Variants in STIM1 observed in about 807,000 individuals in gnomAD.
STIM1 encodes stromal interaction molecule 1.
In STIM1, 25 loss-of-function variants were observed where a neutral mutation model predicts 74.7. That is an observed-to-expected ratio of 0.33 (90% CI 0.24 to 0.47). The LOEUF is 0.47. STIM1 is among the 20% of genes least tolerant of loss of function. The pLI, the probability that STIM1 is intolerant of heterozygous loss-of-function variation, is 1.00. For missense variants in STIM1, 728 were observed against 920.8 expected, an observed-to-expected ratio of 0.79 and a Z score of 2.71; for synonymous variants, 328 against 348.8, an observed-to-expected ratio of 0.94 and a Z score of 0.66.
intron 2 of STIM1, among the ~76,000 whole-genome samples, chr11:3,985,830 A>C (rs1416726895): frequency 6.6e-6 from 1 of 152,200 alleles, no homozygotes; most frequent in Non-Finnish European, 1.5e-5. Context: ...TATTTTTTCA[A>C]GTCCTTCTGT....
chr11:4,069,675 CCACTA>C (rs1235936432), intron 5 of STIM1, among the ~76,000 whole-genome samples: 2 of 152,180 alleles, frequency 1.3e-5, no homozygotes, highest in Non-Finnish European at 2.9e-5. Flanking sequence ...ATGACAGAAG[CCACTA>C]CATCTTGGCA....
intron 1 of STIM1, 121 bp from the exon 2 acceptor site, chr11:3,967,431 G>A (rs933264525): frequency 5.5e-6 from 8 of 1,456,272 alleles, no homozygotes; most frequent in Non-Finnish European, 6.7e-6. Context: ...CACTGTACAA[G>A]TAGCCAGTTA....
chr11:3,855,958 G>GT lies in STIM1; in HGVS notation c.-312dup. The GT allele has an allele frequency of 2.3e-6, 1 of 428,448 alleles. No homozygotes were observed. 26.5% of individuals were successfully genotyped at this position (428,448 alleles called of 1,614,324 possible). A position where few individuals can be genotyped will look rare whatever the true frequency, so the allele number is the denominator to read the frequency against. On this transcript the variant is annotated 5_prime_UTR_variant, in exon 1 of 13. Transcript: ENST00000526596. Reference sequence around the variant, plus strand: ...TCCGGCCGCCCCCTTCCGCAGGGGTGTAGTAATCTGCGGAGCTGACAGCAG... The same window carrying GT: ...TCCGGCCGCCCCCTTCCGCAGGGGTGTTAGTAATCTGCGGAGCTGACAGCAG...
At chr11:4,049,584 C>G (rs1411835428) in intron 3 of STIM1, 1 of 152,178 alleles carries the variant, frequency 6.6e-6, no homozygotes, top group Non-Finnish European at 1.5e-5. Context: ...CTGCCTCAGT[C>G]TCCCAAAGTG....
intron 12 of STIM1, chr11:4,086,760 T>G: frequency 6.5e-7 from 1 of 1,537,214 alleles, no homozygotes; most frequent in Non-Finnish European, 8.7e-7. Context: ...ACCCTGTTTA[T>G]TACCACCACA....
At chr11:3,960,522 C>T (rs931275505) in intron 1 of STIM1, among the ~76,000 whole-genome samples, 10 of 152,150 alleles carry the variant, frequency 6.6e-5, no homozygotes, top group Non-Finnish European at 1.5e-4. Flanking sequence ...CATCATGTTA[C>T]AAAGTCATGC....
intron 1 of STIM1, among the ~76,000 whole-genome samples, chr11:3,953,542 G>T (rs776405779): frequency 6.6e-6 from 1 of 152,188 alleles, no homozygotes; most frequent in South Asian, 2.1e-4. Context: ...TAGGAAGTTA[G>T]TGTGGTTTCT....
At chr11:3,988,197 C>G (rs537949271) in intron 2 of STIM1, among the ~76,000 whole-genome samples, 2 of 152,082 alleles carry the variant, frequency 1.3e-5, no homozygotes, top group Non-Finnish European at 2.9e-5. Flanking sequence ...AGCAGTGAAT[C>G]GAAGTTGCCG....
At chr11:3,979,349 C>G (rs1342150849) in intron 2 of STIM1, among the ~76,000 whole-genome samples, 1 of 152,176 alleles carries the variant, frequency 6.6e-6, no homozygotes, top group Non-Finnish European at 1.5e-5. Context: ...TTCTGTGTCT[C>G]CTGCATGATT....
intron 3 of STIM1, among the ~76,000 whole-genome samples, chr11:4,052,807 C>T (rs2094254331): frequency 6.6e-6 from 1 of 152,154 alleles, no homozygotes; most frequent in Non-Finnish European, 1.5e-5. Context: ...AGGCAACCTA[C>T]AGAATGGGAG....
rs578072867 is a variant in STIM1, at chr11:3,957,959, G to A, written c.140-9593G>A. ...TGACTCACTGCAACCTCCACCTCCC[G>A]GGTTCAAGCGATTCTCCTGCCTCAG... is the stretch of plus-strand genomic sequence containing the variant. On this transcript the variant is annotated intron_variant, in intron 1 of 12. Transcript: ENST00000526596. 3.7e-4 allele frequency among the ~76,000 whole-genome samples: 57 copies of A among 152,122 alleles called. No homozygotes were observed. The South Asian group carries it at 0.012, about 31-fold the overall frequency.
intron 1 of STIM1, among the ~76,000 whole-genome samples, chr11:3,862,613 AT>A: frequency 6.6e-6 from 1 of 152,082 alleles, no homozygotes; most frequent in Admixed American, 6.5e-5. Context: ...CACCCGGCTA[AT>A]TTTTTGTATT....
At chr11:4,015,935 C>G (rs180940052) in intron 2 of STIM1, among the ~76,000 whole-genome samples, 86 of 152,222 alleles carry the variant, frequency 5.6e-4, no homozygotes, top group African/African-American at 1.9e-3. Flanking sequence ...TTTTAGTTAG[C>G]CATTTGTCTA....
chr11:4,060,376 G>A (rs1332775965), intron 5 of STIM1, among the ~76,000 whole-genome samples: 1 of 152,218 alleles, frequency 6.6e-6, no homozygotes, highest in African/African-American at 2.4e-5. Context: ...GAAGCAGCTG[G>A]CAGGCAAGGT....
At chr11:3,929,241 T>C (rs2092828543) in intron 1 of STIM1, among the ~76,000 whole-genome samples, 1 of 152,242 alleles carries the variant, frequency 6.6e-6, no homozygotes, top group Non-Finnish European at 1.5e-5. Context: ...CCTTTTTTAC[T>C]TCCTTTTTAT....
rs187282877 is a variant in STIM1, at chr11:3,856,186, G to C, written c.-85G>C. ...CGCGAGGGCATCTTGCCTGGAGACC[G>C]TCGGCTGCACTCCCGGGCTCCTGGC... On this transcript the variant is annotated 5_prime_UTR_variant, in exon 1 of 13. Coordinates refer to ENST00000526596, the MANE Select transcript of STIM1 (RefSeq NM_001382567.1). The C allele has an allele frequency of 2.7e-5, 43 of 1,585,942 alleles. No individual in the cohort carries two copies. In the East Asian group the frequency reaches 9.4e-4, roughly 35 times the overall value.
At chr11:4,034,262 T>TA (rs2094080023) in intron 3 of STIM1, among the ~76,000 whole-genome samples, 1 of 150,502 alleles carries the variant, frequency 6.6e-6, no homozygotes, top group Non-Finnish European at 1.5e-5. Context: ...AATAACAAAA[T>TA]TATATATATA....
chr11:3,868,267 C>G (rs1251821289), intron 1 of STIM1: 1 of 152,218 alleles, frequency 6.6e-6, no homozygotes, highest in African/African-American at 2.4e-5. Flanking sequence ...ACTGAAATAA[C>G]TTCGATGGTA....
At chr11:3,979,454 AT>A (rs1275879258) in intron 2 of STIM1, among the ~76,000 whole-genome samples, 1 of 152,048 alleles carries the variant, frequency 6.6e-6, no homozygotes, top group Non-Finnish European at 1.5e-5. Flanking sequence ...ATTGAAATAT[AT>A]TTTTAAAAGA....
Sources: gnomAD v4.1 joint callset for allele counts (sites outside exome capture counted in the v4.1 genomes callset) on GRCh38, gnomAD v4.1.1 for gene constraint, MANE v1.5 for transcripts, NCBI Gene and HGNC (gene_info 2026-07-23, HGNC 2026-07-21) for gene names.